Variants in LRRC75A observed in about 807,000 individuals in gnomAD.
The protein encoded by LRRC75A is leucine rich repeat containing 75A.
Under a neutral mutation model 26.0 loss-of-function variants are expected in LRRC75A, and 12 were observed. The ratio of observed to expected loss-of-function variants is 0.46; its 90% CI spans 0.30 to 0.75. The LOEUF is 0.75. Among genes scored for constraint, LRRC75A ranks in the 30% least tolerant of loss-of-function variants. The probability of loss-of-function intolerance (pLI) is 0.08; values close to 1 mark genes in which losing one functional copy is unlikely to be tolerated. For synonymous variants in LRRC75A, 223 were observed against 219.3 expected (o/e 1.02, Z -0.15); for missense variants, 410 against 486.6 (o/e 0.84, Z 1.48).
rs367735858 is a variant in LRRC75A at position 16,451,751 on chromosome 17, T to C, written c.376-3791A>G. On this transcript the variant is annotated intron_variant, in intron 2 of 3. Coordinates refer to ENST00000470794, the MANE Select transcript of LRRC75A (RefSeq NM_001113567.3). ...TACCGGAATCTCAGGGGAGCTTTTT[T>C]TTCTTTTTTTTGAGACGGAGTATCG... Among the ~76,000 whole-genome samples, 26 of 149,256 alleles carry C rather than the reference T, an allele frequency of 1.7e-4. No homozygotes were observed. The East Asian group carries it at 3.6e-3, about 21-fold the overall frequency.
intron 1 of LRRC75A, among the ~76,000 whole-genome samples, chr17:16,482,787 C>T (rs1333051810): frequency 1.3e-5 from 2 of 152,250 alleles, no homozygotes; most frequent in African/African-American, 4.8e-5. Context: ...AGCATCTTGG[C>T]CGGCCCTGCT....
At chr17:16,463,615 C>G (rs550566544) in intron 1 of LRRC75A, 3 of 152,228 alleles carry the variant, frequency 2.0e-5, no homozygotes, top group East Asian at 3.8e-4. Flanking sequence ...GCCCTGGGGA[C>G]GGGACGTCTG....
chr17:16,481,204 C>T (rs796736996), intron 1 of LRRC75A, among the ~76,000 whole-genome samples: 1 of 152,126 alleles, frequency 6.6e-6, no homozygotes, highest in Non-Finnish European at 1.5e-5. Flanking sequence ...AGGAGAGAGC[C>T]GGTAAGAACA....
chr17:16,475,314 G>C (rs1433252652), intron 1 of LRRC75A, among the ~76,000 whole-genome samples: 1 of 152,206 alleles, frequency 6.6e-6, no homozygotes, highest in Non-Finnish European at 1.5e-5. Flanking sequence ...TAAGATGTGT[G>C]TGTGTGTGGA....
At chr17:16,453,363 C>A (rs1346421743) in intron 2 of LRRC75A, among the ~76,000 whole-genome samples, 1 of 150,478 alleles carries the variant, frequency 6.6e-6, no homozygotes, top group African/African-American at 2.4e-5. Flanking sequence ...CACACACACA[C>A]GAGAACAGAG....
intron 2 of LRRC75A, among the ~76,000 whole-genome samples, chr17:16,454,385 CTG>C (rs201356952): frequency 0.013 from 1,758 of 138,216 alleles, 35 homozygotes; most frequent in African/African-American, 0.045. Context: ...GAGTGAGACT[CTG>C]TCAAAAAACA....
At chr17:16,444,515 C>T (rs12449989) in intron 3 of LRRC75A, among the ~76,000 whole-genome samples, 5 of 152,202 alleles carry the variant, frequency 3.3e-5, no homozygotes, top group African/African-American at 9.7e-5. Context: ...CTTCCCACTT[C>T]TACCACCCTG....
chr17:16,473,763 G>A (rs2093813119), intron 1 of LRRC75A, among the ~76,000 whole-genome samples: 1 of 152,216 alleles, frequency 6.6e-6, no homozygotes, highest in African/African-American at 2.4e-5. Flanking sequence ...AAGGCCACGT[G>A]GCCCCTGCAG....
intron 2 of LRRC75A, among the ~76,000 whole-genome samples, chr17:16,451,594 C>T (rs2093631063): frequency 6.7e-6 from 1 of 149,110 alleles, no homozygotes; most frequent in African/African-American, 2.5e-5. Flanking sequence ...TGCACTCCAG[C>T]CTGGGTGACA....
chr17:16,490,340 A>G (rs530380276), intron 1 of LRRC75A, among the ~76,000 whole-genome samples: 1 of 152,232 alleles, frequency 6.6e-6, no homozygotes, highest in Non-Finnish European at 1.5e-5. Context: ...TATAAAGGCC[A>G]TATGTCAGCT....
At chr17:16,444,427 A>G (rs1309555349) in intron 3 of LRRC75A, among the ~76,000 whole-genome samples, 7 of 152,352 alleles carry the variant, frequency 4.6e-5, no homozygotes, top group Non-Finnish European at 8.8e-5. Flanking sequence ...GAAGAAGTTC[A>G]TAAGTGCAAA....
At chr17:16,456,038 G>T (rs1301181379) in intron 2 of LRRC75A, among the ~76,000 whole-genome samples, 2 of 150,646 alleles carry the variant, frequency 1.3e-5, no homozygotes, top group Admixed American at 6.6e-5. Flanking sequence ...AGAAGGTGGG[G>T]AACGGGGGGA....
Position 16,443,628 on chromosome 17 carries a change from TGGTCTTC to T in LRRC75A, c.988_994del (p.Glu330ThrfsTer8). The T allele has an allele frequency of 6.5e-7, 1 of 1,547,116 alleles. No homozygotes were observed. The highest frequency in any genetic ancestry group is 8.7e-7 in the Non-Finnish European group (1 of 1,143,082). On this transcript the variant is annotated frameshift_variant, in exon 4 of 4. Coordinates refer to ENST00000470794, the MANE Select transcript of LRRC75A (RefSeq NM_001113567.3). LOFTEE classifies it high-confidence loss of function. ...AGCTACAGTCTCCTTGCCCTCATGG[TGGTCTTC>T]GGCAGGTGCCACAGGGCCCCCTCCA... is the stretch of plus-strand genomic sequence containing the variant.
At chr17:16,466,605 C>G (rs1263451595) in intron 1 of LRRC75A, among the ~76,000 whole-genome samples, 4 of 152,190 alleles carry the variant, frequency 2.6e-5, no homozygotes, top group African/African-American at 9.7e-5. Flanking sequence ...ACCTGAGTCA[C>G]TGCTGGTGGG....
In LRRC75A at chr17:16,443,519, C is replaced by CCTCCCT; in HGVS notation, c.*68_*69insAGGGAG. 1.5e-6 allele frequency: 2 copies of CCTCCCT among 1,377,712 alleles called. No individual in the cohort carries two copies. The highest frequency in any genetic ancestry group is 1.9e-6 in the Non-Finnish European group (2 of 1,041,752). 85.3% of individuals were successfully genotyped at this position (1,377,712 alleles called of 1,614,324 possible). On this transcript the variant is annotated 3_prime_UTR_variant, in exon 4 of 4. Transcript: ENST00000470794. ...TCCTTAACCCACCTGATAGGAGAAG[C>CCTCCCT]GCCCTCCCCTGCCTGCCTTGCCCAT... is the stretch of plus-strand genomic sequence containing the variant.
intron 1 of LRRC75A, among the ~76,000 whole-genome samples, chr17:16,482,127 A>G (rs2093835784): frequency 6.6e-6 from 1 of 151,856 alleles, no homozygotes; most frequent in South Asian, 2.1e-4. Context: ...GCCCCTTTCT[A>G]TTGGGTAGGG....
intron 1 of LRRC75A, among the ~76,000 whole-genome samples, chr17:16,479,097 C>T (rs16959744): frequency 0.19 from 29,625 of 152,132 alleles, 3,049 homozygotes; most frequent in Middle Eastern, 0.36. Flanking sequence ...CTGATGCCTC[C>T]GCTGGTGCCC....
At chr17:16,447,240 G>A (rs2093593898) in intron 3 of LRRC75A, among the ~76,000 whole-genome samples, 1 of 152,002 alleles carries the variant, frequency 6.6e-6, no homozygotes, top group Non-Finnish European at 1.5e-5. Context: ...ATCTTCAAGG[G>A]ACTCTGAACC....
At chr17:16,483,193 G>A (rs947037678) in intron 1 of LRRC75A, among the ~76,000 whole-genome samples, 6 of 152,252 alleles carry the variant, frequency 3.9e-5, no homozygotes, top group Admixed American at 6.5e-5. Flanking sequence ...CCTCCCCAGT[G>A]CTCTGAGATG....
Sources: allele counts gnomAD v4.1 joint callset (sites outside exome capture counted in the v4.1 genomes callset), GRCh38; gene constraint gnomAD v4.1.1; transcripts MANE v1.5; gene names NCBI Gene and HGNC (gene_info 2026-07-23, HGNC 2026-07-21).